The following CDYL variants were observed in gnomAD, a reference collection of about 807,000 sequenced individuals.
CDYL encodes chromodomain Y-like protein.
CDYL carries 8 observed loss-of-function variants against 47.3 expected under a neutral mutation model. The observed-to-expected ratio is 0.17, with a 90% CI of 0.10 to 0.31. CDYL has a LOEUF of 0.31. Among genes scored for constraint, CDYL ranks in the 10% least tolerant of loss-of-function variants. CDYL has a pLI of 1.00. For synonymous variants in CDYL, 266 were observed against 265.0 expected (o/e 1.00, Z -0.04); for missense variants, 471 against 701.4 (o/e 0.67, Z 3.71).
At chr6:4,853,336 G>T (rs1056970016) in intron 1 of CDYL, among the ~76,000 whole-genome samples, 1 of 152,166 alleles carries the variant, frequency 6.6e-6, no homozygotes, top group African/African-American at 2.4e-5. Flanking sequence ...GGACATCAAA[G>T]TTCAGAGAGC....
intron 2 of CDYL, among the ~76,000 whole-genome samples, chr6:4,912,359 C>T (rs1757439096): frequency 6.6e-6 from 1 of 152,358 alleles, no homozygotes; most frequent in East Asian, 1.9e-4. Flanking sequence ...AACCCCAGCT[C>T]ATCATCATCT....
rs541137158 is a variant in CDYL at position 4,760,887 on chromosome 6, A to G, written c.186+26043A>G. Among the ~76,000 whole-genome samples, 3 of 151,940 alleles carry G rather than the reference A, an allele frequency of 2.0e-5. No homozygotes were observed. In the East Asian group the frequency reaches 5.8e-4, roughly 29 times the overall value. On this transcript the variant is annotated intron_variant, in intron 3 of 8. Coordinates refer to the CDYL transcript ENST00000328908. ...TTTTTCTGGGATTCTCTCTCAACCA[A>G]CCCAACTCCCAGCCGCATCCCAACC...
intron 3 of CDYL, among the ~76,000 whole-genome samples, chr6:4,735,820 A>G (rs1198774770): frequency 6.6e-6 from 1 of 152,082 alleles, no homozygotes; most frequent in Non-Finnish European, 1.5e-5. Context: ...CCATGAAACT[A>G]TCACCACAAT....
intron 1 of CDYL, among the ~76,000 whole-genome samples, chr6:4,787,765 CTT>C (rs70974136): frequency 0.031 from 2,130 of 69,396 alleles, 47 homozygotes; most frequent in African/African-American, 0.11. Context: ...AAATTCAAGT[CTT>C]TTTTTTTTTT....
chr6:4,948,379 C>T (rs9504292), intron 5 of CDYL, among the ~76,000 whole-genome samples: 10,930 of 152,212 alleles, frequency 0.072, 413 homozygotes, highest in Non-Finnish European at 0.082. Flanking sequence ...CAGAAAGGGC[C>T]ATGAGGCTTG....
intron 1 of CDYL, among the ~76,000 whole-genome samples, chr6:4,874,471 T>C (rs562926311): frequency 6.6e-6 from 1 of 152,312 alleles, no homozygotes; most frequent in East Asian, 1.9e-4. Flanking sequence ...CCCCACGCTC[T>C]CTGAAAACCC....
At chr6:4,714,802 A>G (rs999218201) in intron 1 of CDYL, 1 of 152,220 alleles carries the variant, frequency 6.6e-6, no homozygotes, top group Non-Finnish European at 1.5e-5. Flanking sequence ...ACTGACTACT[A>G]CAGAATCCGT....
chr6:4,951,893 CA>C (rs1758715467), intron 5 of CDYL, among the ~76,000 whole-genome samples: 1 of 152,084 alleles, frequency 6.6e-6, no homozygotes, highest in South Asian at 2.1e-4. Context: ...GAAGGGCCGG[CA>C]TTAGGGGGAG....
rs185723375 is a variant in CDYL, at chr6:4,930,267, T to C, written c.692-5248T>C. Among the ~76,000 whole-genome samples the C allele has an allele frequency of 4.6e-5, 7 of 152,360 alleles. 1 individual carries two copies. The East Asian group carries it at 1.2e-3, about 25-fold the overall frequency. ...GCCTTGTGGAATTTCTCCCTGTGCA[T>C]GCTCAGATTGGTTCAGCAAAGACTC... On this transcript the variant is annotated intron_variant, in intron 2 of 6. Coordinates refer to ENST00000397588, the MANE Select transcript of CDYL (RefSeq NM_004824.4).
intron 2 of CDYL, chr6:4,724,815 CA>C (rs1252235761): frequency 6.6e-5 from 10 of 152,194 alleles, no homozygotes; most frequent in Admixed American, 6.6e-4. Context: ...GAATTAGCAG[CA>C]ACAATATTTA....
chr6:4,944,888 T>A (rs1260924429), intron 5 of CDYL, among the ~76,000 whole-genome samples: 2 of 152,110 alleles, frequency 1.3e-5, no homozygotes, highest in African/African-American at 4.8e-5. Flanking sequence ...AAAGCCAACA[T>A]GAAGCACTGA....
At chr6:4,725,054 G>A (rs1048982838) in intron 2 of CDYL, among the ~76,000 whole-genome samples, 3 of 152,122 alleles carry the variant, frequency 2.0e-5, no homozygotes, top group Non-Finnish European at 4.4e-5. Flanking sequence ...GGACACAAAA[G>A]TTCTCCACAT....
intron 1 of CDYL, among the ~76,000 whole-genome samples, chr6:4,805,452 C>T (rs1385058187): frequency 1.3e-5 from 2 of 152,134 alleles, no homozygotes; most frequent in East Asian, 3.9e-4. Context: ...TAGGATCCTC[C>T]AGAGAAACGA....
chr6:4,764,069 C>T (rs1162913859), intron 3 of CDYL, among the ~76,000 whole-genome samples: 4 of 151,980 alleles, frequency 2.6e-5, no homozygotes, highest in Non-Finnish European at 5.9e-5. Flanking sequence ...TAGAATTATA[C>T]GTAGAATCAA....
chr6:4,774,909 G>A (rs1758396747), upstream of CDYL, among the ~76,000 whole-genome samples: 1 of 152,152 alleles, frequency 6.6e-6, no homozygotes, highest in South Asian at 2.1e-4. Flanking sequence ...GGTGGGGACC[G>A]CAGGTAGAAG....
chr6:4,769,339 TCAA>T (rs977861246), intron 3 of CDYL, among the ~76,000 whole-genome samples: 2 of 152,224 alleles, frequency 1.3e-5, no homozygotes, highest in African/African-American at 4.8e-5. Context: ...ATGAAAAACA[TCAA>T]CAACTAAATA....
intron 1 of CDYL, among the ~76,000 whole-genome samples, chr6:4,857,467 C>CT (rs1761044016): frequency 6.6e-6 from 1 of 152,190 alleles, no homozygotes; most frequent in Non-Finnish European, 1.5e-5. Context: ...AGAAATAAGT[C>CT]TAAGAGACTC....
intron 2 of CDYL, among the ~76,000 whole-genome samples, chr6:4,725,619 C>T (rs943140650): frequency 6.6e-6 from 1 of 152,252 alleles, no homozygotes; most frequent in Non-Finnish European, 1.5e-5. Context: ...CCGCCGAGCC[C>T]ACGCCCACCC....
At chr6:4,715,985 A>C in intron 2 of CDYL, 2 of 1,492,792 alleles carry the variant, frequency 1.3e-6, no homozygotes, top group Non-Finnish European at 1.8e-6. Flanking sequence ...ACGGTGGCTC[A>C]CGCCTATAAT....
Sources: gnomAD v4.1 joint callset for allele counts (sites outside exome capture counted in the v4.1 genomes callset) on GRCh38, gnomAD v4.1.1 for gene constraint, MANE v1.5 for transcripts, NCBI Gene and HGNC (gene_info 2026-07-23, HGNC 2026-07-21) for gene names.